The following SEMA3D variants were observed in gnomAD, a reference collection of about 807,000 sequenced individuals.
SEMA3D encodes semaphorin 3D, also known as semaphorin-3D.
SEMA3D carries 84 observed loss-of-function variants against 100.1 expected under a neutral mutation model. The ratio of observed to expected loss-of-function variants is 0.84; its 90% CI spans 0.70 to 1.01. The LOEUF (loss-of-function observed/expected upper bound fraction) is 1.01, where lower values mean the gene tolerates loss of function less well. Ranked by LOEUF, SEMA3D falls within the 50% of genes least tolerant of loss-of-function variation. SEMA3D has a pLI of 0.00. For missense variants in SEMA3D, 875 were observed against 934.1 expected (o/e 0.94, Z 0.82); for synonymous variants, 312 against 320.7 (o/e 0.97, Z 0.29).
chr7:85,074,594 A>T (rs974500541), intron 5 of SEMA3D, among the ~76,000 whole-genome samples: 1 of 151,702 alleles, frequency 6.6e-6, no homozygotes, highest in Non-Finnish European at 1.5e-5. Context: ...TACAGATCTG[A>T]AGATCTGAGG....
At chr7:85,142,670 T>C (rs1181510218) in intron 2 of SEMA3D, 14 of 928,512 alleles carry the variant, frequency 1.5e-5, no homozygotes, top group Non-Finnish European at 1.7e-5. Context: ...CAAAGAAGGA[T>C]GGCATTTTTT....
intron 1 of SEMA3D, among the ~76,000 whole-genome samples, chr7:85,180,583 C>T (rs188027931): frequency 1.3e-5 from 2 of 152,128 alleles, no homozygotes; most frequent in Non-Finnish European, 2.9e-5. Context: ...AAACATTGAG[C>T]AAATAGTACA....
At chr7:85,134,069 A>G (rs1169407932) in intron 2 of SEMA3D, among the ~76,000 whole-genome samples, 1 of 152,010 alleles carries the variant, frequency 6.6e-6, no homozygotes, top group Non-Finnish European at 1.5e-5. Flanking sequence ...ACAATTAGAT[A>G]AGGTCCCTAT....
At position 85,022,495 on chromosome 7, in the gene SEMA3D, C is replaced by T; in HGVS notation, c.1310G>A (p.Gly437Glu). 1.9e-6 allele frequency: 3 copies of T among 1,612,342 alleles called. No individual in the cohort carries two copies. The highest frequency in any genetic ancestry group is 2.5e-6 in the Non-Finnish European group (3 of 1,178,802). Residue 437 changes from glycine (G) to glutamate (E), a missense_variant, in exon 13 of 19, where the codon GGA (glycine) becomes GAA (glutamate). Transcript: ENST00000284136. ...MYKSVYPVAG[G>E]PTFKRINVDY... Reference sequence around the variant, plus strand: ...CACATTGATTCTCTTGAACGTTGGTCCTCCTGCAACTGGGTATACGGACTT... The same window carrying T: ...CACATTGATTCTCTTGAACGTTGGTTCTCCTGCAACTGGGTATACGGACTT...
upstream of SEMA3D, among the ~76,000 whole-genome samples, chr7:85,188,717 G>A (rs923918415): frequency 6.6e-6 from 1 of 152,032 alleles, no homozygotes; most frequent in African/African-American, 2.4e-5. Flanking sequence ...GGTTAACTTT[G>A]GATTTCCCAT....
At chr7:85,015,450 C>T (rs1467213777) in intron 15 of SEMA3D, among the ~76,000 whole-genome samples, 1 of 151,688 alleles carries the variant, frequency 6.6e-6, no homozygotes, top group Non-Finnish European at 1.5e-5. Flanking sequence ...ACAAGCTTGG[C>T]AGTAATTTCA....
At chr7:85,219,333 G>T in the SEMA3D span, among the ~76,000 whole-genome samples, 1,011 of 152,142 alleles carry the variant, frequency 6.6e-3, 16 homozygotes, top group African/African-American at 0.023. Flanking sequence ...TGGCTTCACT[G>T]CCAGTGCCCT....
At chr7:85,229,944 A>T in the SEMA3D span, among the ~76,000 whole-genome samples, 3 of 152,178 alleles carry the variant, frequency 2.0e-5, no homozygotes, top group Non-Finnish European at 2.9e-5. Flanking sequence ...ACTCTTCTTA[A>T]CTGCTTTAAA....
At chr7:85,223,688 C>T in the SEMA3D span, among the ~76,000 whole-genome samples, 2 of 151,880 alleles carry the variant, frequency 1.3e-5, no homozygotes, top group Non-Finnish European at 2.9e-5. Flanking sequence ...ATTGTATGTC[C>T]TCACTTATCA....
At chr7:85,156,273 T>G (rs1354198431) in intron 1 of SEMA3D, among the ~76,000 whole-genome samples, 1 of 152,108 alleles carries the variant, frequency 6.6e-6, no homozygotes, top group Non-Finnish European at 1.5e-5. Context: ...TGGCTAACTT[T>G]TGTATTTTCA....
At chr7:85,101,260 G>A (rs1484970398) in intron 3 of SEMA3D, among the ~76,000 whole-genome samples, 1 of 151,910 alleles carries the variant, frequency 6.6e-6, no homozygotes, top group African/African-American at 2.4e-5. Context: ...ATATGTAAAA[G>A]CATTCCCAGG....
chr7:85,082,513 A>G (rs771186476), intron 4 of SEMA3D, among the ~76,000 whole-genome samples: 13 of 152,224 alleles, frequency 8.5e-5, no homozygotes, highest in Non-Finnish European at 1.2e-4. Flanking sequence ...AGCAAGCTCT[A>G]AAATACTTAT....
At chr7:85,148,596 T>G (rs926703178) in intron 2 of SEMA3D, among the ~76,000 whole-genome samples, 6 of 152,148 alleles carry the variant, frequency 3.9e-5, no homozygotes, top group African/African-American at 1.4e-4. Flanking sequence ...CAAACCTCCT[T>G]CCTTGGAGCA....
chr7:85,018,743 G>T (rs1442798795), intron 14 of SEMA3D, among the ~76,000 whole-genome samples: 1 of 151,640 alleles, frequency 6.6e-6, no homozygotes, highest in African/African-American at 2.4e-5. Context: ...GCTCCTTGTG[G>T]ATGATCATAT....
chr7:85,020,353 T>C, intron 13 of SEMA3D, 32 bp from the exon 14 acceptor site: 3 of 1,525,556 alleles, frequency 2.0e-6, no homozygotes, highest in Non-Finnish European at 2.7e-6. Flanking sequence ...GATCCCATTG[T>C]TTCTATCTCA....
chr7:85,165,446 TAAACACGGGCTAA>T (rs1790879841), intron 1 of SEMA3D, among the ~76,000 whole-genome samples: 1 of 152,082 alleles, frequency 6.6e-6, no homozygotes, highest in African/African-American at 2.4e-5. Context: ...GTGACTAAGA[TAAACACGGGCTAA>T]ACTGCAAAGT....
At chr7:85,244,573 T>C in the SEMA3D span, among the ~76,000 whole-genome samples, 1 of 152,324 alleles carries the variant, frequency 6.6e-6, no homozygotes, top group East Asian at 1.9e-4. Flanking sequence ...TAGGTTGCGA[T>C]AGTCCAGGAG....
chr7:85,141,931 T>C (rs1290867684), intron 2 of SEMA3D: 7 of 980,606 alleles, frequency 7.1e-6, no homozygotes, highest in Admixed American at 6.2e-5. Flanking sequence ...ATGTGTGCAA[T>C]GCACTTTGCA....
chr7:85,136,332 T>C (rs969753466), intron 2 of SEMA3D, among the ~76,000 whole-genome samples: 3 of 152,164 alleles, frequency 2.0e-5, no homozygotes, highest in Non-Finnish European at 4.4e-5. Flanking sequence ...CTTTAAAAAG[T>C]TGACTTCTGT....
Sources: gnomAD v4.1 joint callset for allele counts (sites outside exome capture counted in the v4.1 genomes callset) on GRCh38, gnomAD v4.1.1 for gene constraint, MANE v1.5 for transcripts, NCBI Gene and HGNC (gene_info 2026-07-23, HGNC 2026-07-21) for gene names.